The following CACNA2D3 variants were observed in gnomAD, a reference collection of about 807,000 sequenced individuals.
CACNA2D3 encodes the protein calcium voltage-gated channel auxiliary subunit alpha2delta 3.
A neutral mutation model predicts 160.6 loss-of-function variants in CACNA2D3; 60 were observed. The ratio of observed to expected loss-of-function variants is 0.37; its 90% CI spans 0.30 to 0.46. CACNA2D3 has a LOEUF of 0.46. CACNA2D3 is among the 20% of genes least tolerant of loss of function. CACNA2D3 has a pLI of 1.00. For missense variants in CACNA2D3, 1,205 were observed against 1,365.0 expected (o/e 0.88, Z 1.85); for synonymous variants, 558 against 492.9 (o/e 1.13, Z -1.75).
intron 4 of CACNA2D3, among the ~76,000 whole-genome samples, chr3:54,452,553 C>A (rs936462414): frequency 3.9e-5 from 6 of 152,148 alleles, no homozygotes; most frequent in Non-Finnish European, 7.4e-5. Flanking sequence ...TTAAAGCAAC[C>A]TAGGCTTTTT....
At chr3:54,712,871 G>A (rs530044982) in intron 11 of CACNA2D3, among the ~76,000 whole-genome samples, 8 of 152,294 alleles carry the variant, frequency 5.3e-5, no homozygotes, top group African/African-American at 1.7e-4. Flanking sequence ...TTGGTCCCAT[G>A]GGATAACTGG....
rs1702402993 is a variant in CACNA2D3 at position 54,261,739 on chromosome 3, T to C, written c.205-58703T>C. Reference sequence around the variant, plus strand: ...GTCTCTGGTCTTGTGTGTTCAGGGATACAAAGTCACATTCTACCTCTCACT... The same window carrying C: ...GTCTCTGGTCTTGTGTGTTCAGGGACACAAAGTCACATTCTACCTCTCACT... On this transcript the variant is annotated intron_variant, in intron 2 of 37. Coordinates refer to ENST00000474759, the MANE Select transcript of CACNA2D3 (RefSeq NM_018398.3). 2.6e-5 allele frequency among the ~76,000 whole-genome samples: 4 copies of C among 152,236 alleles called. No homozygotes were observed. In the South Asian group the frequency reaches 8.3e-4, roughly 31 times the overall value.
At chr3:54,928,249 G>A (rs1701084440) in intron 27 of CACNA2D3, among the ~76,000 whole-genome samples, 1 of 152,118 alleles carries the variant, frequency 6.6e-6, no homozygotes, top group South Asian at 2.1e-4. Context: ...GTCAAACCTT[G>A]GTGAACAGCT....
At chr3:54,437,404 T>C (rs887262951) in intron 4 of CACNA2D3, among the ~76,000 whole-genome samples, 1 of 152,248 alleles carries the variant, frequency 6.6e-6, no homozygotes, top group African/African-American at 2.4e-5. Context: ...TTTTGAATTT[T>C]TCTAAGTAAA....
chr3:54,308,184 G>T (rs1208940072), intron 2 of CACNA2D3, among the ~76,000 whole-genome samples: 1 of 152,192 alleles, frequency 6.6e-6, no homozygotes, highest in Non-Finnish European at 1.5e-5. Context: ...GTGGTTAAGA[G>T]CATGGACTCT....
chr3:54,704,997 G>A (rs1700833231), intron 11 of CACNA2D3, among the ~76,000 whole-genome samples: 1 of 152,056 alleles, frequency 6.6e-6, no homozygotes, highest in Admixed American at 6.6e-5. Context: ...GCTCTGCTGG[G>A]TACAGAGCTA....
chr3:54,910,743 A>G (rs1434259225), intron 27 of CACNA2D3, among the ~76,000 whole-genome samples: 6 of 152,126 alleles, frequency 3.9e-5, no homozygotes, highest in Non-Finnish European at 1.5e-5. Flanking sequence ...TCTTTCCCCA[A>G]TAGGCCTGTC....
At chr3:54,605,623 T>G (rs1406733362) in intron 9 of CACNA2D3, among the ~76,000 whole-genome samples, 1 of 152,190 alleles carries the variant, frequency 6.6e-6, no homozygotes, top group Non-Finnish European at 1.5e-5. Context: ...TTAAATATCT[T>G]TAAATTTATT....
At chr3:54,994,744 G>A (rs568982576) in intron 31 of CACNA2D3, among the ~76,000 whole-genome samples, 4 of 152,076 alleles carry the variant, frequency 2.6e-5, no homozygotes, top group Admixed American at 6.6e-5. Flanking sequence ...GACAAACAAG[G>A]GACTAGAAGT....
chr3:54,595,313 GGTGTGTGTGTGT>G (rs71637562), intron 9 of CACNA2D3, among the ~76,000 whole-genome samples: 6 of 132,204 alleles, frequency 4.5e-5, no homozygotes, highest in Non-Finnish European at 9.4e-5. Context: ...CTGTGTGTGT[GGTGTGTGTGTGT>G]GTGTGTGTGT....
intron 2 of CACNA2D3, among the ~76,000 whole-genome samples, chr3:54,297,799 C>G (rs1326512213): frequency 2.0e-5 from 3 of 151,944 alleles, no homozygotes; most frequent in Admixed American, 1.3e-4. Context: ...TCCTCACTCT[C>G]TCAGTGAGTC....
chr3:54,729,132 T>G (rs557280955), intron 11 of CACNA2D3, among the ~76,000 whole-genome samples: 1 of 152,096 alleles, frequency 6.6e-6, no homozygotes, highest in Non-Finnish European at 1.5e-5. Context: ...TGCCCTTCCC[T>G]ATGATCTCTA....
chr3:54,637,849 T>C (rs1158621465), intron 10 of CACNA2D3: 1 of 151,974 alleles, frequency 6.6e-6, no homozygotes, highest in Non-Finnish European at 1.5e-5. Context: ...AGTCCGATTT[T>C]CAGTGGGGTC....
chr3:54,773,681 T>C (rs1001453977), intron 13 of CACNA2D3, among the ~76,000 whole-genome samples: 1 of 152,258 alleles, frequency 6.6e-6, no homozygotes, highest in African/African-American at 2.4e-5. Context: ...CTGTTATGAT[T>C]ATTTTTTTCC....
At chr3:54,366,131 A>G (rs2107545127) in intron 3 of CACNA2D3, among the ~76,000 whole-genome samples, 1 of 152,308 alleles carries the variant, frequency 6.6e-6, no homozygotes, top group East Asian at 1.9e-4. Context: ...AGTGCAAGAG[A>G]TCCAGAACCC....
At chr3:54,664,851 C>T (rs1418233600) in intron 11 of CACNA2D3, among the ~76,000 whole-genome samples, 1 of 152,164 alleles carries the variant, frequency 6.6e-6, no homozygotes, top group Non-Finnish European at 1.5e-5. Context: ...GGTGGAGGCT[C>T]TGGCTGTGTG....
At chr3:54,298,363 G>A (rs1424371427) in intron 2 of CACNA2D3, among the ~76,000 whole-genome samples, 1 of 152,258 alleles carries the variant, frequency 6.6e-6, no homozygotes, top group Non-Finnish European at 1.5e-5. Context: ...CGGGTTACGA[G>A]AAATAATTTT....
At chr3:54,476,782 G>T (rs1343239479) in intron 4 of CACNA2D3, among the ~76,000 whole-genome samples, 1 of 152,056 alleles carries the variant, frequency 6.6e-6, no homozygotes. Context: ...GAGTTGATAT[G>T]AGTTTCTTAT....
intron 29 of CACNA2D3, among the ~76,000 whole-genome samples, chr3:54,976,869 A>C (rs1702402013): frequency 6.6e-6 from 1 of 152,184 alleles, no homozygotes; most frequent in African/African-American, 2.4e-5. Flanking sequence ...TCTCCCTTCT[A>C]CTGGTGCTGG....
Sources: gnomAD v4.1 joint callset for allele counts (sites outside exome capture counted in the v4.1 genomes callset) on GRCh38, gnomAD v4.1.1 for gene constraint, MANE v1.5 for transcripts, NCBI Gene and HGNC (gene_info 2026-07-23, HGNC 2026-07-21) for gene names.